The following ERBB4 variants were observed in gnomAD, a reference collection of about 807,000 sequenced individuals.
ERBB4 encodes the protein receptor tyrosine-protein kinase erbB-4.
Under a neutral mutation model 158.0 loss-of-function variants are expected in ERBB4, and 42 were observed. The observed-to-expected ratio is 0.27, with a 90% CI of 0.21 to 0.34. ERBB4 has a LOEUF of 0.34. Among genes scored for constraint, ERBB4 ranks in the 10% least tolerant of loss-of-function variants. ERBB4 has a pLI of 1.00. For missense variants in ERBB4, 1,333 were observed against 1,624.1 expected, an observed-to-expected ratio of 0.82 and a Z score of 3.08; for synonymous variants, 583 against 558.7, an observed-to-expected ratio of 1.04 and a Z score of -0.61.
At chr2:211,813,237 G>A (rs1032389259) in intron 3 of ERBB4, among the ~76,000 whole-genome samples, 6 of 152,066 alleles carry the variant, frequency 3.9e-5, no homozygotes, top group Non-Finnish European at 5.9e-5. Flanking sequence ...TAAAATACAA[G>A]GAGAAAAAAA....
intron 16 of ERBB4, among the ~76,000 whole-genome samples, chr2:211,646,069 G>T (rs563744179): frequency 6.6e-6 from 1 of 151,434 alleles, no homozygotes; most frequent in Admixed American, 6.6e-5. Context: ...CTGTTGATCT[G>T]GAAGGCTGTC....
intron 2 of ERBB4, among the ~76,000 whole-genome samples, chr2:212,110,248 A>G (rs2079363202): frequency 6.6e-6 from 1 of 152,190 alleles, no homozygotes; most frequent in Non-Finnish European, 1.5e-5. Flanking sequence ...CTCATTTAGC[A>G]TTTGTTTTCA....
chr2:212,108,507 T>C (rs527310682), intron 2 of ERBB4, among the ~76,000 whole-genome samples: 1 of 152,316 alleles, frequency 6.6e-6, no homozygotes, highest in Admixed American at 6.5e-5. Context: ...TCAGGGGTCA[T>C]GCCAGTATTT....
chr2:211,407,382 T>C (rs116145252), intron 25 of ERBB4, among the ~76,000 whole-genome samples: 5 of 152,308 alleles, frequency 3.3e-5, no homozygotes, highest in Non-Finnish European at 7.4e-5. Flanking sequence ...GAATTATGTA[T>C]ACCTCAACAT....
chr2:211,782,183 A>G (rs2076053308), intron 4 of ERBB4, among the ~76,000 whole-genome samples: 1 of 152,030 alleles, frequency 6.6e-6, no homozygotes. Context: ...TCAAGCTTCC[A>G]GGTTCATAAA....
rs202173873 is a variant in ERBB4 at position 212,325,053 on chromosome 2, G to A, written c.83-200150C>T. ...CTCTAGGCCTCTACCTTTAGAATGC[G>A]TTTGCAGTATTTAAGACTATTGTAG... On this transcript the variant is annotated intron_variant, in intron 1 of 27. Transcript: ENST00000342788. Among the ~76,000 whole-genome samples, 21 of 150,538 alleles carry A rather than the reference G, an allele frequency of 1.4e-4. No homozygotes were observed. In the East Asian group the frequency reaches 3.1e-3, roughly 22 times the overall value.
chr2:212,136,327 G>A (rs746450306), intron 1 of ERBB4, among the ~76,000 whole-genome samples: 1 of 152,096 alleles, frequency 6.6e-6, no homozygotes, highest in Non-Finnish European at 1.5e-5. Context: ...ATCAGCTAAT[G>A]TTTACTTGAC....
chr2:211,448,723 A>T (rs2064172713), intron 20 of ERBB4, among the ~76,000 whole-genome samples: 1 of 152,194 alleles, frequency 6.6e-6, no homozygotes, highest in Admixed American at 6.5e-5. Context: ...GCCCAAGAAT[A>T]GGTAAAATAT....
At chr2:212,415,151 G>C (rs2091616001) in intron 1 of ERBB4, among the ~76,000 whole-genome samples, 2 of 152,062 alleles carry the variant, frequency 1.3e-5, no homozygotes, top group African/African-American at 4.8e-5. Context: ...TACGTACTTT[G>C]GTATCCTAGA....
intron 1 of ERBB4, among the ~76,000 whole-genome samples, chr2:212,226,420 T>G (rs537452172): frequency 0.025 from 3,377 of 135,850 alleles, 103 homozygotes; most frequent in African/African-American, 0.083. Context: ...TGGGGGGGGG[T>G]TTGACCCATT....
intron 17 of ERBB4, among the ~76,000 whole-genome samples, chr2:211,628,204 C>T (rs1365093006): frequency 1.7e-5 from 2 of 114,946 alleles, no homozygotes; most frequent in African/African-American, 5.3e-5. Context: ...TTTTAGGGCA[C>T]ATGTGCACAA....
At chr2:212,143,542 C>A (rs906761666) in intron 1 of ERBB4, among the ~76,000 whole-genome samples, 2 of 151,846 alleles carry the variant, frequency 1.3e-5, no homozygotes, top group Non-Finnish European at 1.5e-5. Flanking sequence ...GATAGAAATT[C>A]CCAGAAATAC....
intron 1 of ERBB4, among the ~76,000 whole-genome samples, chr2:212,293,568 C>T (rs2086285963): frequency 2.0e-5 from 3 of 152,024 alleles, no homozygotes; most frequent in Non-Finnish European, 2.9e-5. Flanking sequence ...TACATATTGG[C>T]CGGGCATGGT....
intron 1 of ERBB4, among the ~76,000 whole-genome samples, chr2:212,307,731 A>G (rs1294297396): frequency 6.6e-6 from 1 of 151,200 alleles, no homozygotes; most frequent in Admixed American, 6.6e-5. Context: ...ATCACAGTCT[A>G]GTGTTTAAAA....
At chr2:212,223,387 T>C (rs1436876701) in intron 1 of ERBB4, among the ~76,000 whole-genome samples, 1 of 146,732 alleles carries the variant, frequency 6.8e-6, no homozygotes, top group African/African-American at 2.5e-5. Context: ...TATACCTATA[T>C]TTATATCTTC....
intron 3 of ERBB4, among the ~76,000 whole-genome samples, chr2:211,895,676 T>A (rs1451812783): frequency 6.6e-6 from 1 of 152,098 alleles, no homozygotes; most frequent in Non-Finnish European, 1.5e-5. Flanking sequence ...CTTACATACA[T>A]CTCCAAATTT....
At chr2:212,337,595 CCA>C (rs2088504643) in intron 1 of ERBB4, among the ~76,000 whole-genome samples, 1 of 151,996 alleles carries the variant, frequency 6.6e-6, no homozygotes, top group African/African-American at 2.4e-5. Context: ...CATGCTCACC[CCA>C]GAGGAGTCAC....
chr2:212,358,678 T>C (rs1460987268), intron 1 of ERBB4, among the ~76,000 whole-genome samples: 1 of 151,786 alleles, frequency 6.6e-6, no homozygotes, highest in Non-Finnish European at 1.5e-5. Flanking sequence ...TGAAAAATGA[T>C]AGAATAACGA....
intron 14 of ERBB4, 96 bp downstream of exon 14, chr2:211,673,068 G>C: frequency 1.0e-6 from 1 of 957,586 alleles, no homozygotes; most frequent in Middle Eastern, 2.1e-4. Context: ...CATCCTGTAA[G>C]TAGCTATTGA....
Sources: allele counts gnomAD v4.1 joint callset (sites outside exome capture counted in the v4.1 genomes callset), GRCh38; gene constraint gnomAD v4.1.1; transcripts MANE v1.5; gene names NCBI Gene and HGNC (gene_info 2026-07-23, HGNC 2026-07-21).